The following DISC1 variants were observed in gnomAD, a reference collection of about 807,000 sequenced individuals.
DISC1 encodes the protein DISC1 scaffold protein, also known as disrupted in schizophrenia 1 protein.
Under a neutral mutation model 84.5 loss-of-function variants are expected in DISC1, and 57 were observed. That is an observed-to-expected ratio of 0.67 (90% CI 0.55 to 0.84). The LOEUF is 0.84. Ranked by LOEUF, DISC1 falls within the 40% of genes least tolerant of loss-of-function variation. The probability of loss-of-function intolerance (pLI) is 0.00; values close to 1 mark genes in which losing one functional copy is unlikely to be tolerated. For synonymous variants in DISC1, 411 were observed against 415.2 expected, an observed-to-expected ratio of 0.99 and a Z score of 0.12; for missense variants, 1,000 against 1,057.8, an observed-to-expected ratio of 0.95 and a Z score of 0.76.
intron 4 of DISC1, among the ~76,000 whole-genome samples, chr1:231,765,356 G>T (rs894858653): frequency 2.6e-5 from 4 of 152,158 alleles, no homozygotes; most frequent in Non-Finnish European, 5.9e-5. Flanking sequence ...TGGAACTACA[G>T]GTGTGCATCA....
At chr1:231,806,402 G>A (rs190298678) in intron 8 of DISC1, among the ~76,000 whole-genome samples, 3 of 152,222 alleles carry the variant, frequency 2.0e-5, no homozygotes, top group African/African-American at 7.2e-5. Context: ...TGTCAATGGG[G>A]TGGATTCGTT....
intron 9 of DISC1, among the ~76,000 whole-genome samples, chr1:231,834,849 C>T (rs778035520): frequency 5.3e-5 from 8 of 152,152 alleles, no homozygotes; most frequent in Non-Finnish European, 1.2e-4. Flanking sequence ...ACCTCTGAAA[C>T]GTGGGTGAAT....
At chr1:231,979,926 C>T (rs1007590390) in intron 10 of DISC1, among the ~76,000 whole-genome samples, 2 of 152,090 alleles carry the variant, frequency 1.3e-5, no homozygotes, top group African/African-American at 4.8e-5. Flanking sequence ...ACCACCAACT[C>T]GATGCATAGT....
chr1:231,859,421 G>A (rs903505853), intron 9 of DISC1, among the ~76,000 whole-genome samples: 1 of 152,140 alleles, frequency 6.6e-6, no homozygotes, highest in African/African-American at 2.4e-5. Flanking sequence ...GTTCATAGAT[G>A]GTGCCTTTTC....
At chr1:231,802,904 G>A (rs2079390395) in intron 8 of DISC1, among the ~76,000 whole-genome samples, 1 of 151,842 alleles carries the variant, frequency 6.6e-6, no homozygotes, top group Admixed American at 6.6e-5. Flanking sequence ...AGGCCCATGA[G>A]GCTTCTGCCT....
intron 10 of DISC1, among the ~76,000 whole-genome samples, chr1:231,973,888 T>A (rs116697609): frequency 0.01 from 1,546 of 152,324 alleles, 29 homozygotes; most frequent in African/African-American, 0.035. Context: ...AGCCAGCTGT[T>A]TAAGCATTGG....
chr1:231,976,772 C>G (rs1193264292), intron 10 of DISC1, among the ~76,000 whole-genome samples: 7 of 152,148 alleles, frequency 4.6e-5, no homozygotes. Context: ...GCACAAATAC[C>G]TTTTAGAGGA....
chr1:231,662,261 GC>G (rs1182043685), intron 1 of DISC1, among the ~76,000 whole-genome samples: 2 of 152,226 alleles, frequency 1.3e-5, no homozygotes, highest in East Asian at 3.8e-4. Flanking sequence ...GAGTCTTGCT[GC>G]TTTTTGTCTG....
In DISC1 at chr1:232,009,282, A is replaced by C; in HGVS notation, c.2307+233A>C. 12 of 1,321,834 alleles carry C rather than the reference A, an allele frequency of 9.1e-6. No individual in the cohort carries two copies. Among genetic ancestry groups the C allele is most frequent in the Non-Finnish European group, 1.1e-5 (11 of 1,033,450 alleles). 81.9% of individuals were successfully genotyped at this position (1,321,834 alleles called of 1,614,324 possible). Reference sequence around the variant, plus strand: ...TTTTGGCATATTTAGTTCCATTTTCATTCTAATTTAGTGGCTAGAATTAGA... The same window carrying C: ...TTTTGGCATATTTAGTTCCATTTTCCTTCTAATTTAGTGGCTAGAATTAGA... On this transcript the variant is annotated intron_variant, in intron 11 of 12. Coordinates refer to ENST00000439617, the MANE Select transcript of DISC1 (RefSeq NM_018662.3). The surrounding 1 kb of genome is among the most constrained non-coding windows in gnomAD (Gnocchi z 4.6).
At position 231,648,422 on chromosome 1, in the gene DISC1, T is replaced by C. The variant is rs540040846; in HGVS notation, c.67+21488T>C. Among the ~76,000 whole-genome samples the C allele has an allele frequency of 9.2e-5, 14 of 152,330 alleles. No individual in the cohort carries two copies. The East Asian group carries it at 2.7e-3, about 29-fold the overall frequency. On this transcript the variant is annotated intron_variant, in intron 1 of 12. Transcript: ENST00000439617. ...AGGGATGAAGCTGACCTGATCATGG[T>C]GGATAAGCTTTTTGATGTGCTGCTG...
chr1:231,744,726 C>T (rs2073769924), intron 3 of DISC1, among the ~76,000 whole-genome samples: 1 of 152,164 alleles, frequency 6.6e-6, no homozygotes, highest in African/African-American at 2.4e-5. Context: ...ACACAAAGAT[C>T]AGTCTTACCT....
chr1:231,721,056 CT>C lies in DISC1; in HGVS notation c.1117+19038del, dbSNP rs756143079. ...CATGCCATTCTGGAACTTTTCCCAG[CT>C]TTTTTCCAGAGCCAGGTCTGTCCTG... On this transcript the variant is annotated intron_variant, in intron 3 of 12. Coordinates refer to ENST00000439617, the MANE Select transcript of DISC1 (RefSeq NM_018662.3). 5 of 1,290,810 alleles carry C rather than the reference CT, an allele frequency of 3.9e-6. No individual in the cohort carries two copies. The East Asian group carries it at 1.7e-4, about 43-fold the overall frequency. The allele number at this position is 1,290,810 out of a possible 1,614,324, so 80.0% of individuals were successfully genotyped here. A position where few individuals can be genotyped will look rare whatever the true frequency, so the allele number is the denominator to read the frequency against.
intron 1 of DISC1, among the ~76,000 whole-genome samples, chr1:231,632,393 A>G (rs746230732): frequency 3.3e-5 from 5 of 152,242 alleles, no homozygotes; most frequent in Admixed American, 1.3e-4. Flanking sequence ...CTGTTAAGCC[A>G]CAACATTTGC....
At chr1:231,721,891 C>A (rs898322482) in intron 3 of DISC1, among the ~76,000 whole-genome samples, 1 of 151,990 alleles carries the variant, frequency 6.6e-6, no homozygotes, top group Admixed American at 6.5e-5. Context: ...CGGTGGCTCA[C>A]GCCTGGAATC....
chr1:231,888,513 G>C (rs1004440102), intron 9 of DISC1, among the ~76,000 whole-genome samples: 2 of 151,402 alleles, frequency 1.3e-5, no homozygotes, highest in South Asian at 2.1e-4. Flanking sequence ...GGGAGGCCGA[G>C]GGGGGTGGAT....
Position 231,715,688 on chromosome 1 carries a change from G to C in DISC1, c.1117+13664G>C, listed in dbSNP as rs145035293. On this transcript the variant is annotated intron_variant, in intron 3 of 12. Coordinates refer to ENST00000439617, the MANE Select transcript of DISC1 (RefSeq NM_018662.3). ...AGAATTAACTCTTCTATGTCTACAT[G>C]AAGTGCCATTTAGAAATAATCAACT... Among the ~76,000 whole-genome samples the C allele has an allele frequency of 2.5e-3, 378 of 152,308 alleles. 1 individual carries two copies. The highest frequency in any genetic ancestry group is 8.6e-3 in the African/African-American group (358 of 41,570).
intron 10 of DISC1, among the ~76,000 whole-genome samples, chr1:231,999,710 A>C (rs76552874): frequency 3.0e-4 from 46 of 152,254 alleles, no homozygotes; most frequent in African/African-American, 9.1e-4. Flanking sequence ...AGAGACATTC[A>C]GTTACCTGAC....
At chr1:232,025,312 T>G (rs1012954465) in intron 11 of DISC1, among the ~76,000 whole-genome samples, 2 of 152,154 alleles carry the variant, frequency 1.3e-5, no homozygotes, top group Non-Finnish European at 2.9e-5. Context: ...TTAGCTTGCC[T>G]TTAGGAGAGT....
At chr1:231,905,236 A>G (rs760782867) in intron 9 of DISC1, among the ~76,000 whole-genome samples, 2 of 152,206 alleles carry the variant, frequency 1.3e-5, no homozygotes, top group Non-Finnish European at 2.9e-5. Context: ...GAGTTTGATC[A>G]TGAGTAAATA....
Sources: allele counts gnomAD v4.1 joint callset (sites outside exome capture counted in the v4.1 genomes callset), GRCh38; gene constraint gnomAD v4.1.1; non-coding constraint Gnocchi (gnomAD v3.1); transcripts MANE v1.5; gene names NCBI Gene and HGNC (gene_info 2026-07-23, HGNC 2026-07-21).